The following ARHGAP32 variants were observed in gnomAD, a reference collection of about 807,000 sequenced individuals.
ARHGAP32 encodes the protein Rho GTPase activating protein 32.
ARHGAP32 carries 51 observed loss-of-function variants against 186.5 expected under a neutral mutation model. The observed-to-expected ratio is 0.27, with a 90% CI of 0.22 to 0.35. The LOEUF (loss-of-function observed/expected upper bound fraction) is 0.35, where lower values mean the gene tolerates loss of function less well. Among genes scored for constraint, ARHGAP32 ranks in the 10% least tolerant of loss-of-function variants. ARHGAP32 has a pLI of 1.00. For missense variants in ARHGAP32, 2,186 were observed against 2,623.5 expected (o/e 0.83, Z 3.64); for synonymous variants, 950 against 964.3 (o/e 0.99, Z 0.27).
At chr11:129,011,321 G>A (rs913323004) in intron 11 of ARHGAP32, among the ~76,000 whole-genome samples, 3 of 152,088 alleles carry the variant, frequency 2.0e-5, no homozygotes, top group African/African-American at 7.2e-5. Context: ...TCCGAATCAG[G>A]GCATTTAGCA....
At chr11:129,227,919 CAAT>C (rs1369116992) in intron 1 of ARHGAP32, among the ~76,000 whole-genome samples, 2 of 152,064 alleles carry the variant, frequency 1.3e-5, no homozygotes, top group Non-Finnish European at 2.9e-5. Context: ...TACCCAACAA[CAAT>C]AATATATACA....
intron 1 of ARHGAP32, among the ~76,000 whole-genome samples, chr11:129,202,399 G>A (rs10893991): frequency 0.19 from 29,449 of 151,754 alleles, 3,052 homozygotes; most frequent in Non-Finnish European, 0.22. Flanking sequence ...AGGATTGAAC[G>A]ACTGAAAAAT....
intron 6 of ARHGAP32, among the ~76,000 whole-genome samples, chr11:129,082,951 G>C (rs1156678203): frequency 1.3e-5 from 2 of 151,880 alleles, no homozygotes; most frequent in Non-Finnish European, 2.9e-5. Flanking sequence ...GGTATAAACA[G>C]TTATCAAAAG....
At chr11:129,226,536 C>T (rs1163463465) in intron 1 of ARHGAP32, among the ~76,000 whole-genome samples, 1 of 152,048 alleles carries the variant, frequency 6.6e-6, no homozygotes, top group African/African-American at 2.4e-5. Flanking sequence ...TTTCTTCCCT[C>T]CATTATGGCA....
intron 9 of ARHGAP32, among the ~76,000 whole-genome samples, chr11:129,062,710 A>C (rs1413809916): frequency 6.6e-6 from 1 of 152,162 alleles, no homozygotes; most frequent in Admixed American, 6.5e-5. Flanking sequence ...GATCAGATTC[A>C]CTTATAAAAG....
rs114622996 is a variant in ARHGAP32, at chr11:129,136,629, C to T, written c.226-11735G>A. Among the ~76,000 whole-genome samples, 505 of 152,142 alleles carry T rather than the reference C, an allele frequency of 3.3e-3. 4 individuals are homozygous for T. The highest frequency in any genetic ancestry group is 0.011 in the African/African-American group (461 of 41,528). On this transcript the variant is annotated intron_variant, in intron 2 of 22. Transcript: ENST00000682385. The stretch of plus-strand genomic sequence containing the variant: ...AAATAGAATAATAAATCAAATCTAT[C>T]ATTGTGTTAAAAACATACATCATAA...
At chr11:129,233,564 C>T (rs899200011) in intron 1 of ARHGAP32, among the ~76,000 whole-genome samples, 1 of 151,670 alleles carries the variant, frequency 6.6e-6, no homozygotes, top group East Asian at 1.9e-4. Context: ...AGAAGTCATG[C>T]ACACATGCAC....
intron 1 of ARHGAP32, among the ~76,000 whole-genome samples, chr11:129,211,334 C>T (rs952409056): frequency 6.6e-6 from 1 of 152,082 alleles, no homozygotes; most frequent in Non-Finnish European, 1.5e-5. Flanking sequence ...CACAAGATTT[C>T]TCAGAAATGT....
intron 2 of ARHGAP32, among the ~76,000 whole-genome samples, chr11:129,144,408 G>C (rs540222446): frequency 1.7e-4 from 26 of 152,208 alleles, no homozygotes; most frequent in African/African-American, 5.5e-4. Flanking sequence ...ACCTCCATCA[G>C]ACTTGATAAC....
rs543625529 is a variant in ARHGAP32, at chr11:129,007,246, G to A, written c.1046-8778C>T. Among the ~76,000 whole-genome samples the A allele has an allele frequency of 3.3e-5, 5 of 152,016 alleles. No individual in the cohort carries two copies. In the South Asian group the frequency reaches 1.0e-3, roughly 32 times the overall value. On this transcript the variant is annotated intron_variant, in intron 11 of 22. Transcript: ENST00000682385. ...CACTGTGGCCAAGCTGGTACCTAAG[G>A]TGCAAGACAAAGTCCCCTTTACTTT...
At chr11:129,138,298 A>T (rs1942978207) in intron 2 of ARHGAP32, among the ~76,000 whole-genome samples, 1 of 71,498 alleles carries the variant, frequency 1.4e-5, no homozygotes, top group Admixed American at 1.2e-4. Context: ...CTTACTGGTA[A>T]AAAAAAAAAA....
chr11:129,268,312 T>G (rs1285895128), intron 1 of ARHGAP32, among the ~76,000 whole-genome samples: 1 of 151,550 alleles, frequency 6.6e-6, no homozygotes, highest in Non-Finnish European at 1.5e-5. Flanking sequence ...CTGTGTGGAG[T>G]CAGAAATGCA....
chr11:129,036,913 A>T (rs1358227792), intron 11 of ARHGAP32, among the ~76,000 whole-genome samples: 2 of 152,204 alleles, frequency 1.3e-5, no homozygotes, highest in African/African-American at 4.8e-5. Context: ...TTGGAAGGGA[A>T]GAAGTAAAAA....
At chr11:129,064,739 T>A (rs1940629371) in intron 8 of ARHGAP32, 102 bp downstream of exon 8, 1 of 839,688 alleles carries the variant, frequency 1.2e-6, no homozygotes, top group Non-Finnish European at 1.9e-6. Flanking sequence ...TTCATTTCTT[T>A]GATTCCTGAA....
At position 129,120,604 on chromosome 11, in the gene ARHGAP32, T is replaced by A. The variant is rs186746837; in HGVS notation, c.444+2842A>T. Among the ~76,000 whole-genome samples the A allele has an allele frequency of 3.7e-4, 57 of 152,260 alleles. 1 individual carries two copies. In the East Asian group the frequency reaches 0.01, roughly 27 times the overall value. ...TATAGGATTAAAAATAACTATTTCA[T>A]TCCAGAACTAAAAGCCAGAAAGTTA... On this transcript the variant is annotated intron_variant, in intron 5 of 22. Transcript: ENST00000682385.
chr11:129,037,369 C>G (rs1565389003), intron 11 of ARHGAP32, among the ~76,000 whole-genome samples: 1 of 150,672 alleles, frequency 6.6e-6, no homozygotes, highest in African/African-American at 2.5e-5. Flanking sequence ...TGGCACATGC[C>G]TGTAGTACTA....
chr11:129,196,501 T>C (rs1669252081), upstream of ARHGAP32, among the ~76,000 whole-genome samples: 2 of 152,170 alleles, frequency 1.3e-5, no homozygotes, highest in South Asian at 2.1e-4. Context: ...TACTACAACA[T>C]TTTATATAAG....
At chr11:129,246,152 G>C (rs1269547866) in intron 1 of ARHGAP32, among the ~76,000 whole-genome samples, 1 of 152,188 alleles carries the variant, frequency 6.6e-6, no homozygotes, top group Non-Finnish European at 1.5e-5. Flanking sequence ...TTAAGCATCA[G>C]AGTCATCTTG....
chr11:129,272,056 A>C (rs527754924), intron 1 of ARHGAP32, among the ~76,000 whole-genome samples: 104 of 152,336 alleles, frequency 6.8e-4, no homozygotes, highest in African/African-American at 2.4e-3. Flanking sequence ...GATCAGGCTA[A>C]AGAATCACTG....
Sources: allele counts gnomAD v4.1 joint callset (sites outside exome capture counted in the v4.1 genomes callset), GRCh38; gene constraint gnomAD v4.1.1; transcripts MANE v1.5; gene names NCBI Gene and HGNC (gene_info 2026-07-23, HGNC 2026-07-21).